Variants in LMBR1 observed in about 807,000 individuals in gnomAD.
LMBR1 encodes the protein limb region 1 protein homolog.
A neutral mutation model predicts 73.9 loss-of-function variants in LMBR1; 52 were observed. The observed-to-expected ratio is 0.70, with a 90% CI of 0.56 to 0.89. LMBR1 has a LOEUF of 0.89. LMBR1 is among the 40% of genes least tolerant of loss of function. LMBR1 has a pLI of 0.00. For synonymous variants in LMBR1, 215 were observed against 209.4 expected (o/e 1.03, Z -0.23); for missense variants, 539 against 579.8 (o/e 0.93, Z 0.72).
At chr7:156,846,883 G>A (rs1271836012) in intron 1 of LMBR1, among the ~76,000 whole-genome samples, 1 of 152,118 alleles carries the variant, frequency 6.6e-6, no homozygotes, top group Non-Finnish European at 1.5e-5. Flanking sequence ...TAATGGACAT[G>A]CTAACTGCCC....
chr7:156,728,069 T>A, intron 11 of LMBR1, 62 bp from the exon 12 acceptor site: 1 of 1,307,246 alleles, frequency 7.6e-7, no homozygotes, highest in South Asian at 1.2e-5. Flanking sequence ...AATATTAAAA[T>A]CTAGGTAACC....
At chr7:156,834,146 G>A (rs1266300775) in intron 2 of LMBR1, among the ~76,000 whole-genome samples, 2 of 152,114 alleles carry the variant, frequency 1.3e-5, no homozygotes, top group Non-Finnish European at 2.9e-5. Flanking sequence ...TTTTCTGGGT[G>A]ATAACAGCCA....
intron 10 of LMBR1, among the ~76,000 whole-genome samples, chr7:156,729,027 G>A (rs1816327127): frequency 6.6e-6 from 1 of 151,814 alleles, no homozygotes; most frequent in South Asian, 2.1e-4. Flanking sequence ...TATTTTTTGT[G>A]GAGACAGGTT....
At chr7:156,840,036 G>A (rs556311577) in intron 1 of LMBR1, among the ~76,000 whole-genome samples, 1 of 152,296 alleles carries the variant, frequency 6.6e-6, no homozygotes, top group Non-Finnish European at 1.5e-5. Flanking sequence ...GAAACACAGT[G>A]AATCATGAGG....
intron 1 of LMBR1, among the ~76,000 whole-genome samples, chr7:156,839,398 A>C (rs1260829722): frequency 6.6e-6 from 1 of 152,110 alleles, no homozygotes; most frequent in African/African-American, 2.4e-5. Context: ...AATTTCTATC[A>C]GATCTGGGGA....
chr7:156,846,146 C>G (rs1227062883), intron 1 of LMBR1, among the ~76,000 whole-genome samples: 1 of 152,018 alleles, frequency 6.6e-6, no homozygotes, highest in Admixed American at 6.6e-5. Context: ...CCGGCATGAA[C>G]ATGTAGTGCC....
At chr7:156,782,174 ACTT>A (rs1182087187) in intron 5 of LMBR1, among the ~76,000 whole-genome samples, 11 of 152,170 alleles carry the variant, frequency 7.2e-5, no homozygotes, top group African/African-American at 2.7e-4. Context: ...GCTGAATAAT[ACTT>A]CATTGTATGG....
At chr7:156,675,763 T>C (rs1803800376), downstream of LMBR1, 1 of 1,613,152 alleles carries the variant, frequency 6.2e-7, no homozygotes, top group Non-Finnish European at 8.5e-7. Flanking sequence ...TTTGCAGAAA[T>C]CGATCAGTGC....
At chr7:156,718,414 G>A (rs1339364981) in intron 15 of LMBR1, among the ~76,000 whole-genome samples, 6 of 142,126 alleles carry the variant, frequency 4.2e-5, no homozygotes, top group Non-Finnish European at 9.2e-5. Context: ...AAAAAAAGAA[G>A]GAAAAAGAAA....
In LMBR1 at chr7:156,886,710, A is replaced by G. The variant is rs184491401; in HGVS notation, c.66+6218T>C. Among the ~76,000 whole-genome samples, 73 of 152,338 alleles carry G rather than the reference A, an allele frequency of 4.8e-4. 1 individual carries two copies. The highest frequency in any genetic ancestry group is 2.3e-3 in the Admixed American group (35 of 15,302). The stretch of plus-strand genomic sequence containing the variant: ...GCCAGTGCTTGTTTAGCCGCTAGAA[A>G]AAAAGAAACACCTTGAGGCAGTTAG... On this transcript the variant is annotated intron_variant, in intron 1 of 16. Transcript: ENST00000353442.
At chr7:156,704,111 G>A (rs1459831640) in intron 15 of LMBR1, among the ~76,000 whole-genome samples, 1 of 152,078 alleles carries the variant, frequency 6.6e-6, no homozygotes, top group Non-Finnish European at 1.5e-5. Context: ...ACTACAACCA[G>A]CATCCAGGAA....
At chr7:156,786,290 G>A (rs537326889) in intron 5 of LMBR1, among the ~76,000 whole-genome samples, 1 of 151,302 alleles carries the variant, frequency 6.6e-6, no homozygotes, top group East Asian at 1.9e-4. Context: ...GAAGGAAGGA[G>A]GGAGGGGAAA....
chr7:156,871,226 C>T lies in LMBR1; in HGVS notation c.66+21702G>A, dbSNP rs118134754. Among the ~76,000 whole-genome samples the T allele has an allele frequency of 7.9e-4, 120 of 152,204 alleles. 2 individuals carry two copies. Among genetic ancestry groups the T allele is most frequent in the Middle Eastern group, 6.8e-3 (2 of 294 alleles). ...AATTCCTAGAAACATAACACCCTAC[C>T]AACAAGACTAAATCATGAAGAAGTA... On this transcript the variant is annotated intron_variant, in intron 1 of 16. Coordinates refer to ENST00000353442, the MANE Select transcript of LMBR1 (RefSeq NM_022458.4).
chr7:156,860,793 G>A lies in LMBR1; in HGVS notation c.67-23908C>T, dbSNP rs113107079. On this transcript the variant is annotated intron_variant, in intron 1 of 16. Coordinates refer to ENST00000353442, the MANE Select transcript of LMBR1 (RefSeq NM_022458.4). ...GGCCCCATGCAGTCTGAAATCCAGT[G>A]GGGCAGTCAAATCTTAAAGCTCCAA... Among the ~76,000 whole-genome samples, 144 of 152,328 alleles carry A rather than the reference G, an allele frequency of 9.5e-4. 2 individuals carry two copies. The highest frequency in any genetic ancestry group is 3.4e-3 in the Middle Eastern group (1 of 294).
intron 4 of LMBR1, among the ~76,000 whole-genome samples, chr7:156,812,260 A>G (rs1177331657): frequency 6.6e-6 from 1 of 152,116 alleles, no homozygotes; most frequent in African/African-American, 2.4e-5. Context: ...ACCATTTTGG[A>G]TTATCCAGGT....
chr7:156,754,361 T>TA (rs564331435), intron 9 of LMBR1, among the ~76,000 whole-genome samples: 8 of 151,990 alleles, frequency 5.3e-5, no homozygotes, highest in South Asian at 4.1e-4. Context: ...CGTTACTTTT[T>TA]AAAAAAAATA....
At chr7:156,823,708 TAAAA>T (rs1835160349) in intron 4 of LMBR1, 1 of 152,178 alleles carries the variant, frequency 6.6e-6, no homozygotes, top group African/African-American at 2.4e-5. Context: ...GTTACACCAC[TAAAA>T]ATGGTTTTGA....
intron 4 of LMBR1, among the ~76,000 whole-genome samples, chr7:156,817,223 A>G (rs1313882174): frequency 1.3e-5 from 2 of 152,198 alleles, no homozygotes; most frequent in African/African-American, 4.8e-5. Flanking sequence ...GAAATAATTT[A>G]TCATTTTTCC....
intron 9 of LMBR1, among the ~76,000 whole-genome samples, chr7:156,741,626 C>A (rs1297888564): frequency 6.6e-6 from 1 of 151,932 alleles, no homozygotes; most frequent in Non-Finnish European, 1.5e-5. Context: ...GATATATGCA[C>A]CAATGGAGCA....
Sources: allele counts gnomAD v4.1 joint callset (sites outside exome capture counted in the v4.1 genomes callset), GRCh38; gene constraint gnomAD v4.1.1; transcripts MANE v1.5; gene names NCBI Gene and HGNC (gene_info 2026-07-23, HGNC 2026-07-21).